The following DOK6 variants were observed in gnomAD, a reference collection of about 807,000 sequenced individuals.
DOK6 encodes the protein docking protein 6.
Under a neutral mutation model 44.0 loss-of-function variants are expected in DOK6, and 22 were observed. The ratio of observed to expected loss-of-function variants is 0.50; its 90% CI spans 0.36 to 0.71. The LOEUF (loss-of-function observed/expected upper bound fraction) is 0.71. Ranked by LOEUF, DOK6 falls within the 30% of genes least tolerant of loss-of-function variation. The probability of loss-of-function intolerance (pLI) is 0.00; values close to 1 mark genes in which losing one functional copy is unlikely to be tolerated. For synonymous variants in DOK6, 166 were observed against 145.5 expected (o/e 1.14, Z -1.01); for missense variants, 340 against 416.4 (o/e 0.82, Z 1.60).
At position 69,689,237 on chromosome 18, in the gene DOK6, C is replaced by T. The variant is rs149654813; in HGVS notation, c.410-9167C>T. On this transcript the variant is annotated intron_variant, in intron 4 of 7. Transcript: ENST00000382713. ...GGTGTAAGATAACTCTCTGTGGGGACAGAAGCATTACATGTCTTGCTGTGC... is the reference window on the plus strand; with the variant it reads ...GGTGTAAGATAACTCTCTGTGGGGATAGAAGCATTACATGTCTTGCTGTGC... 3.0e-4 allele frequency among the ~76,000 whole-genome samples: 45 copies of T among 152,196 alleles called. 2 individuals are homozygous for T. The East Asian group carries it at 6.8e-3, about 23-fold the overall frequency.
At position 69,624,642 on chromosome 18, in the gene DOK6, C is replaced by A. The variant is rs1056438055; in HGVS notation, c.289+25144C>A. Among the ~76,000 whole-genome samples, 4 of 152,110 alleles carry A rather than the reference C, an allele frequency of 2.6e-5. No homozygotes were observed. The East Asian group carries it at 7.7e-4, about 29-fold the overall frequency. ...ATCATGAGAGTATTACTTACTGGTT[C>A]CTTTTAGGAGCCAGATTTTTGAATT... On this transcript the variant is annotated intron_variant, in intron 3 of 7. Transcript: ENST00000382713.
Position 69,508,170 on chromosome 18 carries a change from C to T in DOK6, c.67-56317C>T, listed in dbSNP as rs559168739. On this transcript the variant is annotated intron_variant, in intron 1 of 7. Transcript: ENST00000382713. ...GATATGGTAAATTGAATTGCATAGC[C>T]TTCAATGTTGAACCAGCCTTGGTTA... Among the ~76,000 whole-genome samples the T allele has an allele frequency of 3.3e-5, 5 of 152,156 alleles. No individual in the cohort carries two copies. The South Asian group carries it at 1.0e-3, about 32-fold the overall frequency.
chr18:69,650,537 A>C (rs1568322231), intron 3 of DOK6, among the ~76,000 whole-genome samples: 1 of 152,206 alleles, frequency 6.6e-6, no homozygotes, highest in South Asian at 2.1e-4. Flanking sequence ...TTTTTCCTCA[A>C]GTTTAATTAT....
At chr18:69,694,469 ATATATT>A (rs10608413) in intron 4 of DOK6, among the ~76,000 whole-genome samples, 20,029 of 150,198 alleles carry the variant, frequency 0.13, 1,460 homozygotes, top group South Asian at 0.23. Flanking sequence ...TAGCATAATT[ATATATT>A]TATAATATTT....
At chr18:69,513,721 A>C (rs12454780) in intron 1 of DOK6, among the ~76,000 whole-genome samples, 61,638 of 151,938 alleles carry the variant, frequency 0.41, 13,504 homozygotes, top group Non-Finnish European at 0.49. Context: ...CAGTAATTAT[A>C]AAAAAAATTT....
At chr18:69,407,011 G>A (rs1916218560) in intron 1 of DOK6, among the ~76,000 whole-genome samples, 1 of 152,172 alleles carries the variant, frequency 6.6e-6, no homozygotes, top group Admixed American at 6.5e-5. Context: ...AACTCGAGAG[G>A]TGGAGGTTGC....
intron 7 of DOK6, among the ~76,000 whole-genome samples, chr18:69,777,420 G>T (rs1382345686): frequency 2.0e-5 from 3 of 151,972 alleles, no homozygotes; most frequent in Non-Finnish European, 1.5e-5. Context: ...TACCCTTTGG[G>T]TTTATACATA....
At chr18:69,833,384 C>G (rs953806485) in intron 7 of DOK6, among the ~76,000 whole-genome samples, 3 of 152,066 alleles carry the variant, frequency 2.0e-5, no homozygotes, top group Non-Finnish European at 4.4e-5. Context: ...AGAGTCCCAT[C>G]TTTCACCACA....
chr18:69,450,872 T>A (rs968867769), intron 1 of DOK6, among the ~76,000 whole-genome samples: 10 of 149,012 alleles, frequency 6.7e-5, no homozygotes, highest in Non-Finnish European at 1.2e-4. Flanking sequence ...AGAGATTTTG[T>A]CACCACCAGG....
intron 7 of DOK6, among the ~76,000 whole-genome samples, chr18:69,783,364 T>C (rs904634824): frequency 2.6e-5 from 4 of 152,230 alleles, no homozygotes; most frequent in Admixed American, 2.6e-4. Context: ...ATCTCATAAT[T>C]TTTATATTGA....
chr18:69,513,405 G>C (rs11660177), intron 1 of DOK6, among the ~76,000 whole-genome samples: 61,151 of 151,516 alleles, frequency 0.4, 13,264 homozygotes, highest in Non-Finnish European at 0.49. Context: ...CTCTCTCTCA[G>C]AGTACAATCT....
intron 7 of DOK6, among the ~76,000 whole-genome samples, chr18:69,764,146 G>C (rs1979645675): frequency 6.6e-6 from 1 of 152,096 alleles, no homozygotes; most frequent in Admixed American, 6.6e-5. Flanking sequence ...TGAAATGCTA[G>C]ATCTGCCCCT....
At chr18:69,752,643 C>T (rs1438386417) in intron 6 of DOK6, among the ~76,000 whole-genome samples, 3 of 152,134 alleles carry the variant, frequency 2.0e-5, no homozygotes, top group African/African-American at 4.8e-5. Context: ...AGAGTAGAGA[C>T]AATCAAAGAT....
chr18:69,665,864 A>G (rs1985644671), intron 3 of DOK6, among the ~76,000 whole-genome samples: 1 of 150,948 alleles, frequency 6.6e-6, no homozygotes, highest in South Asian at 2.1e-4. Flanking sequence ...TCTCTCTCAG[A>G]CCTTATGCCC....
intron 7 of DOK6, among the ~76,000 whole-genome samples, chr18:69,828,887 T>TATATATATAC (rs1981822790): frequency 8.2e-6 from 1 of 121,816 alleles, no homozygotes; most frequent in South Asian, 2.7e-4. Flanking sequence ...TTTATGTGTA[T>TATATATATAC]ATATATATAT....
intron 3 of DOK6, among the ~76,000 whole-genome samples, chr18:69,636,880 G>C (rs2144651030): frequency 6.6e-6 from 1 of 152,302 alleles, no homozygotes; most frequent in East Asian, 1.9e-4. Context: ...CCAAAAAAAA[G>C]GATGCAAAGG....
intron 7 of DOK6, among the ~76,000 whole-genome samples, chr18:69,836,574 T>C (rs1568141061): frequency 6.6e-6 from 1 of 152,110 alleles, no homozygotes. Flanking sequence ...GAATGCACAA[T>C]AGATTAGAAA....
At chr18:69,510,782 T>C (rs1981345687) in intron 1 of DOK6, among the ~76,000 whole-genome samples, 1 of 152,198 alleles carries the variant, frequency 6.6e-6, no homozygotes, top group Non-Finnish European at 1.5e-5. Context: ...GTAACTTTAG[T>C]AAAATAACTT....
intron 1 of DOK6, among the ~76,000 whole-genome samples, chr18:69,404,563 T>C (rs549980375): frequency 4.3e-4 from 66 of 152,328 alleles, no homozygotes; most frequent in African/African-American, 1.5e-3. Context: ...TCAATATCAC[T>C]GTACAAATTT....
Sources: gnomAD v4.1 joint callset for allele counts (sites outside exome capture counted in the v4.1 genomes callset) on GRCh38, gnomAD v4.1.1 for gene constraint, MANE v1.5 for transcripts, NCBI Gene and HGNC (gene_info 2026-07-23, HGNC 2026-07-21) for gene names.